Variants in BOD1L1 observed in about 807,000 individuals in gnomAD.
The protein encoded by BOD1L1 is biorientation of chromosomes in cell division protein 1-like 1.
A neutral mutation model predicts 240.7 loss-of-function variants in BOD1L1; 86 were observed. The ratio of observed to expected loss-of-function variants is 0.36; its 90% CI spans 0.30 to 0.43. The LOEUF is 0.43. Among genes scored for constraint, BOD1L1 ranks in the 20% least tolerant of loss-of-function variants. The pLI is 1.00. For missense variants in BOD1L1, 3,554 were observed against 3,643.5 expected (o/e 0.98, Z 0.63); for synonymous variants, 1,268 against 1,272.3 (o/e 1.00, Z 0.07).
rs955461716 is a variant in BOD1L1 at position 13,569,620 on chromosome 4, A to T, written c.*391T>A. The T allele has an allele frequency of 6.5e-6, 1 of 154,174 alleles. No individual in the cohort carries two copies. Among genetic ancestry groups the T allele is most frequent in the Admixed American group, 6.5e-5 (1 of 15,340 alleles). 9.6% of individuals were successfully genotyped at this position (154,174 alleles called of 1,614,324 possible). A position where few individuals can be genotyped will look rare whatever the true frequency, so the allele number is the denominator to read the frequency against. On this transcript the variant is annotated 3_prime_UTR_variant, in exon 26 of 26. Transcript: ENST00000040738. ...GTGTTCATTGATTAGCATCATACAT[A>T]GAGTAAAATACAACCTATTTTTACA...
At chr4:13,585,408 T>C (rs1158860894) in intron 17 of BOD1L1, among the ~76,000 whole-genome samples, 3 of 152,008 alleles carry the variant, frequency 2.0e-5, no homozygotes, top group Non-Finnish European at 4.4e-5. Flanking sequence ...AAGATGGAAC[T>C]AGTTTAGACA....
At chr4:13,587,429 T>G (rs116819851) in intron 16 of BOD1L1, among the ~76,000 whole-genome samples, 3,219 of 152,264 alleles carry the variant, frequency 0.021, 119 homozygotes, top group African/African-American at 0.074. Context: ...TAGTGGCACC[T>G]GGCTGGGCTC....
Position 13,600,942 on chromosome 4 carries a change from T to G in BOD1L1, c.5958A>C (p.Gln1986His). The part of the protein sequence containing the change: ...EGPMTSAASD[Q>H]SDSQLEKVED... ...CAACTTTTTCGAGCTGACTGTCACT[T>G]TGATCAGATGCAGCACTAGTCATAG... is the stretch of plus-strand genomic sequence containing the variant. The change falls in exon 10 of 26, where the codon CAA becomes CAC. Residue 1986 changes from glutamine (Q) to histidine (H), a missense_variant. By Grantham distance (24) the Gln-to-His change is conservative. Around this residue, in one of 2 missense-constraint regions of BOD1L1, gnomAD observed 3,393 missense variants for 3,427.1 expected, o/e 0.99. Transcript: ENST00000040738. 6.2e-7 allele frequency: 1 copy of G among 1,613,942 alleles called. No homozygotes were observed. Among genetic ancestry groups the G allele is most frequent in the Non-Finnish European group, 8.5e-7 (1 of 1,179,884 alleles).
At chr4:13,597,892 G>T (rs1714749278) in intron 10 of BOD1L1, among the ~76,000 whole-genome samples, 1 of 152,190 alleles carries the variant, frequency 6.6e-6, no homozygotes, top group Non-Finnish European at 1.5e-5. Flanking sequence ...TAATGAACAA[G>T]ACTAAATCTA....
rs537588368 is a variant in BOD1L1, at chr4:13,626,832, T to C, written c.243+513A>G. Among the ~76,000 whole-genome samples, 64 of 152,324 alleles carry C rather than the reference T, an allele frequency of 4.2e-4. 1 individual carries two copies. Among genetic ancestry groups the C allele is most frequent in the Non-Finnish European group, 7.2e-4 (49 of 68,022 alleles). On this transcript the variant is annotated intron_variant, in intron 1 of 25. Transcript: ENST00000040738. ...TAAGTTACCTAAATCAGGCAATCAC[T>C]GCTAGAAACAATACTAAAGTCCTGT...
Position 13,600,270 on chromosome 4 carries a change from C to T in BOD1L1, c.6630G>A (p.Lys2210=), listed in dbSNP as rs148736453. 5.8e-5 allele frequency: 94 copies of T among 1,613,918 alleles called. No individual in the cohort carries two copies. The highest frequency in any genetic ancestry group is 7.8e-5 in the Non-Finnish European group (92 of 1,179,886). The part of the protein sequence containing the change: ...EAESPLASTS[K]EEKDECALIS... ...TGAGAGCACATTCATCCTTCTCCTC[C>T]TTGCTGGTTGAGGCAAGAGGACTTT... Residue 2210 remains lysine (K), a synonymous_variant, in exon 10 of 26, where the codon AAG becomes AAA. Transcript: ENST00000040738.
At chr4:13,583,390 GTTAAT>G (rs1185271094) in intron 17 of BOD1L1, among the ~76,000 whole-genome samples, 3 of 152,066 alleles carry the variant, frequency 2.0e-5, no homozygotes, top group Non-Finnish European at 4.4e-5. Context: ...TTCTATTAAT[GTTAAT>G]TTTACTTATT....
chr4:13,613,534 T>C lies in BOD1L1; in HGVS notation c.1302A>G (p.Glu434=), dbSNP rs1183197693. 1 of 1,612,284 alleles carries C rather than the reference T, an allele frequency of 6.2e-7. No individual in the cohort carries two copies. Among genetic ancestry groups the C allele is most frequent in the Non-Finnish European group, 8.5e-7 (1 of 1,178,826 alleles). Residue 434 remains glutamate (E), a synonymous_variant, in exon 5 of 26, where the codon GAA becomes GAG. Transcript: ENST00000040738. The surrounding 1 kb of genome is among the most constrained non-coding windows in gnomAD (Gnocchi z 4.0). ...EEEVVTSDSM[E]EGEITSDDEE... is the part of the protein sequence containing the mutation. ...TACCATCTGACGTAATCTCTCCTTC[T>C]TCCATGCTATCAGACGTTACAACTT...
chr4:13,618,431 G>T (rs1560218604), intron 2 of BOD1L1, among the ~76,000 whole-genome samples: 2 of 152,336 alleles, frequency 1.3e-5, no homozygotes, highest in East Asian at 3.9e-4. Context: ...TTTGGTCATT[G>T]TTCTCTTTGA....
rs1264670980 is a variant in BOD1L1 at position 13,599,428 on chromosome 4, G to A, written c.7472C>T (p.Ala2491Val). 6.8e-6 allele frequency: 11 copies of A among 1,613,856 alleles called. No individual in the cohort carries two copies. The Admixed American group carries it at 1.8e-4, about 27-fold the overall frequency. Residue 2491 changes from alanine (A) to valine (V), a missense_variant, in exon 10 of 26, where the codon GCA becomes GTA. By Grantham distance (64) the Ala-to-Val change is moderately conservative (BLOSUM62 0). This residue lies in a region of BOD1L1 where 3,393 missense variants were observed against 3,427.1 expected (regional missense o/e 0.99). Transcript: ENST00000040738. The stretch of plus-strand genomic sequence containing the variant: ...AGCATTCCCCTCTAAGCCCCTTCCT[G>A]CTGAATAACTTGCTGTGCTACTGCC... ...AGGSSTASYS[A>V]GRGLEGNANS...
Position 13,605,091 on chromosome 4 carries a change from G to A in BOD1L1, c.1816-7C>T, listed in dbSNP as rs188948120. ...TTTTTTCCTTTTCACAATGCTGAAAGAAAACAAAGGTTAAAATATGAGAAA... is the reference window on the plus strand; with the variant it reads ...TTTTTTCCTTTTCACAATGCTGAAAAAAAACAAAGGTTAAAATATGAGAAA... On this transcript the variant is annotated splice_region_variant and splice_polypyrimidine_tract_variant and intron_variant, in intron 9 of 25. Coordinates refer to ENST00000040738, the MANE Select transcript of BOD1L1 (RefSeq NM_148894.3). 6 of 1,517,820 alleles carry A rather than the reference G, an allele frequency of 4.0e-6. No individual in the cohort carries two copies. Among genetic ancestry groups the A allele is most frequent in the Non-Finnish European group, 5.3e-6 (6 of 1,139,210 alleles). 94.0% of individuals were successfully genotyped at this position (1,517,820 alleles called of 1,614,324 possible).
chr4:13,601,413 T>G lies in BOD1L1; in HGVS notation c.5487A>C (p.Ala1829=). ...CTTCTTTGGCCACTGTGCTGTCCAT[T>G]GCACTCTCTCCATTTTCTTCCGATT... ...SSESEENGES[A]MDSTVAKEGT... Residue 1829 remains alanine (A), a synonymous_variant, in exon 10 of 26, where the codon GCA becomes GCC. Transcript: ENST00000040738. 6.2e-7 allele frequency: 1 copy of G among 1,614,068 alleles called. No homozygotes were observed. Among genetic ancestry groups the G allele is most frequent in the Non-Finnish European group, 8.5e-7 (1 of 1,179,902 alleles).
In BOD1L1 at chr4:13,604,654, C is replaced by T; in HGVS notation, c.2246G>A (p.Cys749Tyr). 2 of 1,583,926 alleles carry T rather than the reference C, an allele frequency of 1.3e-6. No individual in the cohort carries two copies. Among genetic ancestry groups the T allele is most frequent in the Admixed American group, 1.9e-5 (1 of 51,804 alleles). ...AGTCTCATCACCTGTTTTATGCATA[C>T]AATCACCTTTATATTTATGTTTCAC... ...LSVKHKYKGDCMHKTGDETEL... is the reference protein window; with the variant it reads ...LSVKHKYKGDYMHKTGDETEL... Residue 749 changes from cysteine to tyrosine, a missense_variant, in exon 10 of 26, where the codon TGT (cysteine) becomes TAT (tyrosine). Physicochemically the swap from Cys to Tyr is radical, Grantham distance 194. This residue lies in a region of BOD1L1 where 3,393 missense variants were observed against 3,427.1 expected (regional missense o/e 0.99). Coordinates refer to ENST00000040738, the MANE Select transcript of BOD1L1 (RefSeq NM_148894.3).
chr4:13,576,090 C>T (rs1344644761), intron 25 of BOD1L1, among the ~76,000 whole-genome samples: 1 of 151,578 alleles, frequency 6.6e-6, no homozygotes, highest in Non-Finnish European at 1.5e-5. Flanking sequence ...TTAGTAGAGA[C>T]GGGGTTTCAC....
chr4:13,582,137 A>C (rs565028331), intron 19 of BOD1L1, 100 bp downstream of exon 19: 3 of 964,262 alleles, frequency 3.1e-6, no homozygotes, highest in Non-Finnish European at 4.6e-6. Flanking sequence ...CAGCTTCTTC[A>C]AAGTACTTAA....
chr4:13,601,808 T>C lies in BOD1L1; in HGVS notation c.5092A>G (p.Arg1698Gly). 1 of 1,614,012 alleles carries C rather than the reference T, an allele frequency of 6.2e-7. No individual in the cohort carries two copies. The highest frequency in any genetic ancestry group is 8.5e-7 in the Non-Finnish European group (1 of 1,179,896). ...GAVTSAGTEI[R>G]AGSISSEEVD... is the part of the protein sequence containing the mutation. ...TCTTCACTGCTTATAGATCCTGCTCTTATCTCTGTTCCAGCACTTGTAACT... is the reference window on the plus strand; with the variant it reads ...TCTTCACTGCTTATAGATCCTGCTCCTATCTCTGTTCCAGCACTTGTAACT... Residue 1698 changes from arginine (R) to glycine (G), a missense_variant, in exon 10 of 26, where the codon AGA becomes GGA. This residue lies in a region of BOD1L1 where 3,393 missense variants were observed against 3,427.1 expected (regional missense o/e 0.99). Transcript: ENST00000040738.
chr4:13,587,674 A>G, intron 16 of BOD1L1, 25 bp downstream of exon 16: 2 of 1,494,682 alleles, frequency 1.3e-6, no homozygotes, highest in Non-Finnish European at 9.1e-7. Context: ...AAAGATGTCT[A>G]AAACAGAAAC....
Position 13,613,549 on chromosome 4 carries a change from C to T in BOD1L1, c.1287G>A (p.Thr429=), listed in dbSNP as rs773594838. Residue 429 remains threonine, a synonymous_variant, in exon 5 of 26, where the codon ACG becomes ACA. Transcript: ENST00000040738. The surrounding 1 kb of genome is among the most constrained non-coding windows in gnomAD (Gnocchi z 4.0). ...TCTCTCCTTCTTCCATGCTATCAGA[C>T]GTTACAACTTCCTCCTCAGTATCTT... ...FEEDTEEEVV[T]SDSMEEGEIT... is the part of the protein sequence containing the mutation. 101 of 1,612,518 alleles carry T rather than the reference C, an allele frequency of 6.3e-5. No homozygotes were observed. Among genetic ancestry groups the T allele is most frequent in the Middle Eastern group, 4.9e-4 (3 of 6,074 alleles).
intron 16 of BOD1L1, among the ~76,000 whole-genome samples, chr4:13,586,988 T>C (rs1713758259): frequency 1.3e-5 from 2 of 152,206 alleles, no homozygotes; most frequent in African/African-American, 2.4e-5. Flanking sequence ...CAGGAACTCA[T>C]TAAATTGCTA....
Sources: gnomAD v4.1 joint callset for allele counts (sites outside exome capture counted in the v4.1 genomes callset) on GRCh38, gnomAD v4.1.1 for gene constraint, gnomAD v4.1.1 regional missense constraint, Gnocchi (gnomAD v3.1) non-coding constraint, MANE v1.5 for transcripts, NCBI Gene and HGNC (gene_info 2026-07-23, HGNC 2026-07-21) for gene names.